Variants in MROH9 observed in about 807,000 individuals in gnomAD.
MROH9 encodes maestro heat like repeat family member 9, also known as maestro heat-like repeat-containing protein family member 9.
In MROH9, 92 loss-of-function variants were observed where a neutral mutation model predicts 98.2. That is an observed-to-expected ratio of 0.94 (90% CI 0.79 to 1.11). MROH9 has a LOEUF of 1.11. Ranked by LOEUF, MROH9 falls within the 50% of genes most tolerant of loss-of-function variation. The pLI is 0.00. For synonymous variants in MROH9, 397 were observed against 368.9 expected, an observed-to-expected ratio of 1.08 and a Z score of -0.87; for missense variants, 1,057 against 1,014.8, an observed-to-expected ratio of 1.04 and a Z score of -0.57.
chr1:170,980,550 A>T (rs1347735028), intron 8 of MROH9, among the ~76,000 whole-genome samples: 1 of 152,126 alleles, frequency 6.6e-6, no homozygotes, highest in Non-Finnish European at 1.5e-5. Context: ...ATGGTGCTGG[A>T]AAAACTGTCT....
Position 171,064,289 on chromosome 1 carries a change from G to A in MROH9, c.2535G>A (p.Gln845=), listed in dbSNP as rs1654103094. ...ACAATTATAACTCACCCAATGGCCAGATAGACAGTCCTACAGACAGTAAAG... is the reference window on the plus strand; with the variant it reads ...ACAATTATAACTCACCCAATGGCCAAATAGACAGTCCTACAGACAGTAAAG... ...PLYNYNSPNG[Q]IDSPTDSKDV... Residue 845 remains glutamine (Q), a synonymous_variant, in exon 22 of 22, where the codon CAG becomes CAA. Transcript: ENST00000367759. The A allele has an allele frequency of 6.4e-7, 1 of 1,551,018 alleles. No homozygotes were observed.
intron 10 of MROH9, among the ~76,000 whole-genome samples, chr1:170,987,032 T>A (rs1450622529): frequency 6.8e-6 from 1 of 147,964 alleles, no homozygotes; most frequent in African/African-American, 2.6e-5. Flanking sequence ...TTAAACGAAT[T>A]TTTGTAGAGA....
chr1:171,042,179 A>G (rs140250384), intron 20 of MROH9, among the ~76,000 whole-genome samples: 1 of 152,074 alleles, frequency 6.6e-6, no homozygotes, highest in East Asian at 1.9e-4. Context: ...TCTACTCTCT[A>G]TGTCTGTGAG....
At chr1:171,031,692 C>T (rs568524800) in intron 20 of MROH9, among the ~76,000 whole-genome samples, 1 of 152,262 alleles carries the variant, frequency 6.6e-6, no homozygotes, top group East Asian at 1.9e-4. Context: ...TGGCCATTCT[C>T]TCTGGCTGCC....
chr1:171,002,181 G>C (rs1651806168), intron 15 of MROH9, among the ~76,000 whole-genome samples: 1 of 152,104 alleles, frequency 6.6e-6, no homozygotes, highest in Admixed American at 6.6e-5. Flanking sequence ...TGGTTGGTGA[G>C]TTCTTATCCA....
chr1:171,038,832 A>G (rs1379594260), intron 20 of MROH9, among the ~76,000 whole-genome samples: 1 of 152,156 alleles, frequency 6.6e-6, no homozygotes, highest in Non-Finnish European at 1.5e-5. Context: ...AATGGTCAAG[A>G]AGGGGATCAT....
At chr1:171,011,104 G>A (rs988108758) in intron 15 of MROH9, among the ~76,000 whole-genome samples, 4 of 152,012 alleles carry the variant, frequency 2.6e-5, no homozygotes, top group African/African-American at 7.2e-5. Flanking sequence ...AGTCCTTAGT[G>A]GTTCTCAAAA....
chr1:171,036,474 A>G (rs1479502668), intron 20 of MROH9, among the ~76,000 whole-genome samples: 1 of 152,112 alleles, frequency 6.6e-6, no homozygotes, highest in Non-Finnish European at 1.5e-5. Flanking sequence ...CACTCAGAAA[A>G]TAATTTGACA....
chr1:170,990,760 G>C (rs1370977488), intron 11 of MROH9, among the ~76,000 whole-genome samples: 1 of 152,090 alleles, frequency 6.6e-6, no homozygotes, highest in East Asian at 1.9e-4. Flanking sequence ...CATTATGCAA[G>C]TTTGATAAAA....
intron 20 of MROH9, among the ~76,000 whole-genome samples, chr1:171,045,456 G>A (rs532950785): frequency 1.3e-5 from 2 of 151,950 alleles, no homozygotes; most frequent in East Asian, 1.9e-4. Flanking sequence ...TCTTAGTACC[G>A]CTTTTGCTGT....
chr1:170,957,980 T>G (rs913614495), intron 3 of MROH9, among the ~76,000 whole-genome samples: 1 of 151,856 alleles, frequency 6.6e-6, no homozygotes. Context: ...GGCTAATTTT[T>G]TTCTATTTTT....
intron 7 of MROH9, among the ~76,000 whole-genome samples, chr1:170,967,989 A>G (rs925583089): frequency 3.3e-5 from 5 of 152,164 alleles, no homozygotes; most frequent in Admixed American, 1.3e-4. Context: ...AAGTATAAAT[A>G]CACAGCAACA....
At position 171,024,300 on chromosome 1, in the gene MROH9, T is replaced by C. The variant is rs568192239; in HGVS notation, c.1909-95T>C. On this transcript the variant is annotated intron_variant, in intron 17 of 21. Transcript: ENST00000367759. The stretch of plus-strand genomic sequence containing the variant: ...CATATACATATATAGTATATTTATA[T>C]GGGGTGTGTGTGTGTGTGTGTGTGT... 1,020 of 637,186 alleles carry C rather than the reference T, an allele frequency of 1.6e-3. 1 individual carries two copies. Among genetic ancestry groups the C allele is most frequent in the Middle Eastern group, 2.4e-3 (7 of 2,954 alleles). The allele number at this position is 637,186 out of a possible 1,614,324, so 39.5% of individuals were successfully genotyped here.
At chr1:171,030,052 A>G (rs1334867935) in intron 20 of MROH9, among the ~76,000 whole-genome samples, 1 of 151,978 alleles carries the variant, frequency 6.6e-6, no homozygotes, top group African/African-American at 2.4e-5. Context: ...GAATTTACCC[A>G]TTTCTTCTAG....
intron 13 of MROH9, 142 bp from the exon 14 acceptor site, chr1:170,996,364 AT>A: frequency 1.2e-6 from 1 of 850,808 alleles, no homozygotes; most frequent in Admixed American, 2.9e-5. Flanking sequence ...GATGAAGGAC[AT>A]TTAGCAATCT....
At chr1:170,965,081 AAGAAT>A in intron 6 of MROH9, 65 bp from the exon 7 acceptor site, 1 of 1,049,454 alleles carries the variant, frequency 9.5e-7, no homozygotes, top group East Asian at 2.4e-5. Flanking sequence ...GGTGAAGTTG[AAGAAT>A]AGAGGAAAGG....
intron 16 of MROH9, 52 bp from the exon 17 acceptor site, chr1:171,016,111 T>C: frequency 7.8e-7 from 1 of 1,276,154 alleles, no homozygotes; most frequent in Non-Finnish European, 1.0e-6. Flanking sequence ...AAATGTCAGC[T>C]CAAGTCTCCT....
chr1:170,965,088 G>C (rs1650178663), intron 6 of MROH9, 63 bp from the exon 7 acceptor site: 1 of 1,152,190 alleles, frequency 8.7e-7, no homozygotes, highest in Non-Finnish European at 1.3e-6. Context: ...TTGAAGAATA[G>C]AGGAAAGGTT....
chr1:170,966,113 A>G (rs1172797142), intron 7 of MROH9, among the ~76,000 whole-genome samples: 1 of 152,106 alleles, frequency 6.6e-6, no homozygotes, highest in Non-Finnish European at 1.5e-5. Context: ...GGTCAGATAA[A>G]GAAGTATGAT....
Sources: gnomAD v4.1 joint callset for allele counts (sites outside exome capture counted in the v4.1 genomes callset) on GRCh38, gnomAD v4.1.1 for gene constraint, MANE v1.5 for transcripts, NCBI Gene and HGNC (gene_info 2026-07-23, HGNC 2026-07-21) for gene names.